The following KAZN variants were observed in gnomAD, a reference collection of about 807,000 sequenced individuals.
KAZN encodes the protein kazrin.
KAZN carries 40 observed loss-of-function variants against 87.4 expected under a neutral mutation model. That is an observed-to-expected ratio of 0.46 (90% CI 0.36 to 0.60). KAZN has a LOEUF of 0.60. Ranked by LOEUF, KAZN falls within the 20% of genes least tolerant of loss-of-function variation. KAZN has a pLI of 0.00. For synonymous variants in KAZN, 466 were observed against 458.3 expected (o/e 1.02, Z -0.22); for missense variants, 898 against 1,073.9 (o/e 0.84, Z 2.29).
chr1:15,076,343 G>A (rs1392862483), intron 8 of KAZN, among the ~76,000 whole-genome samples: 1 of 152,178 alleles, frequency 6.6e-6, no homozygotes, highest in Admixed American at 6.5e-5. Context: ...AGAATTGATC[G>A]GCCTCCTACA....
intron 1 of KAZN, among the ~76,000 whole-genome samples, chr1:14,756,590 G>T (rs1216297145): frequency 6.6e-6 from 1 of 152,182 alleles, no homozygotes; most frequent in Admixed American, 6.5e-5. Context: ...TCAGTAGTGG[G>T]TGCACCGTGG....
rs547862104 is a variant in KAZN, at chr1:14,941,215, G to A, written c.227-19469G>A. On this transcript the variant is annotated intron_variant, in intron 1 of 14. Coordinates refer to ENST00000376030, the MANE Select transcript of KAZN (RefSeq NM_201628.3). The stretch of plus-strand genomic sequence containing the variant: ...ATTACAGGCGTGAGCCACCACGCCC[G>A]TCTTCATTCACCTTTTCTGTAGCCT... 1.2e-4 allele frequency among the ~76,000 whole-genome samples: 18 copies of A among 152,238 alleles called. No individual in the cohort carries two copies. In the South Asian group the frequency reaches 1.9e-3, roughly 16 times the overall value.
chr1:14,157,504 T>C (rs1645618917), intron 1 of KAZN, among the ~76,000 whole-genome samples: 1 of 152,216 alleles, frequency 6.6e-6, no homozygotes, highest in Admixed American at 6.5e-5. Context: ...GATATACTAT[T>C]CTAGGGTAAA....
chr1:14,777,086 T>G (rs1474172916), intron 1 of KAZN, among the ~76,000 whole-genome samples: 2 of 152,162 alleles, frequency 1.3e-5, no homozygotes, highest in African/African-American at 4.8e-5. Flanking sequence ...CTGCAAGTGC[T>G]GCCTCCCGGG....
At chr1:14,406,932 A>C (rs568542277) in intron 2 of KAZN, among the ~76,000 whole-genome samples, 4 of 152,330 alleles carry the variant, frequency 2.6e-5, no homozygotes, top group Admixed American at 6.5e-5. Context: ...GCTGCTGTAC[A>C]TAAAGTGCAA....
intron 2 of KAZN, among the ~76,000 whole-genome samples, chr1:14,575,134 C>A (rs1277358820): frequency 1.3e-5 from 2 of 151,834 alleles, no homozygotes; most frequent in African/African-American, 4.9e-5. Context: ...AGCAGAAAGA[C>A]CTGATTAAAA....
chr1:15,060,106 C>A, intron 5 of KAZN, 66 bp from the exon 6 acceptor site: 1 of 1,594,204 alleles, frequency 6.3e-7, no homozygotes, highest in Admixed American at 1.7e-5. Flanking sequence ...GTGGAATAAC[C>A]GCCAAGGCAG....
At chr1:15,063,431 G>T (rs887811449) in intron 6 of KAZN, 141 bp from the exon 7 acceptor site, 11 of 711,056 alleles carry the variant, frequency 1.5e-5, no homozygotes, top group Non-Finnish European at 2.3e-5. Flanking sequence ...GAGATGGGGG[G>T]TGGGCTCCCC....
At chr1:13,952,334 GATAATAATAATAATA>G (rs35005409) in intron 1 of KAZN, among the ~76,000 whole-genome samples, 65,552 of 142,868 alleles carry the variant, frequency 0.46, 15,389 homozygotes, top group Admixed American at 0.55. Context: ...ATAAAATGGA[GATAATAATAATAATA>G]ATAATAATAA....
At position 14,771,466 on chromosome 1, in the gene KAZN, T is replaced by C. The variant is rs184137068; in HGVS notation, c.226+172243T>C. Among the ~76,000 whole-genome samples, 409 of 152,274 alleles carry C rather than the reference T, an allele frequency of 2.7e-3. 1 individual carries two copies. Among genetic ancestry groups the C allele is most frequent in the African/African-American group, 9.0e-3 (372 of 41,560 alleles). ...CAGACTTTCTCTGAGTCTTTGAATATTTCCCTTCTCATCTTGCACTTGGCA... is the reference window on the plus strand; with the variant it reads ...CAGACTTTCTCTGAGTCTTTGAATACTTCCCTTCTCATCTTGCACTTGGCA... On this transcript the variant is annotated intron_variant, in intron 1 of 14. Transcript: ENST00000376030.
chr1:14,176,676 T>C (rs186380749), intron 1 of KAZN, among the ~76,000 whole-genome samples: 2 of 152,342 alleles, frequency 1.3e-5, no homozygotes, highest in Non-Finnish European at 2.9e-5. Context: ...ATATCCGGTA[T>C]TCTCCCTACC....
chr1:15,000,446 C>A (rs751096668), intron 2 of KAZN, among the ~76,000 whole-genome samples: 1 of 151,824 alleles, frequency 6.6e-6, no homozygotes, highest in African/African-American at 2.4e-5. Context: ...GATTCTAATG[C>A]ACAACCCAGA....
chr1:14,805,696 G>T (rs934460232), intron 1 of KAZN, among the ~76,000 whole-genome samples: 1 of 151,774 alleles, frequency 6.6e-6, no homozygotes, highest in African/African-American at 2.4e-5. Flanking sequence ...GGGAGGTGGA[G>T]GTTGCAGTGA....
chr1:14,463,043 C>T (rs556981010), intron 2 of KAZN, among the ~76,000 whole-genome samples: 5 of 152,246 alleles, frequency 3.3e-5, no homozygotes, highest in South Asian at 2.1e-4. Flanking sequence ...TGGCAACTTA[C>T]GAGCTCTTGG....
In KAZN at chr1:13,996,605, C is replaced by G. The variant is rs566858832; in HGVS notation, c.91+102849C>G. ...GCAGACTGCAGCCAGAGTGCCTCTT[C>G]AGGCCTGACTCTGACTCATCTTTCC... is the stretch of plus-strand genomic sequence containing the variant. On this transcript the variant is annotated intron_variant, in intron 1 of 16. Transcript: ENST00000636203. Among the ~76,000 whole-genome samples, 201 of 152,344 alleles carry G rather than the reference C, an allele frequency of 1.3e-3. 1 individual carries two copies. The highest frequency in any genetic ancestry group is 4.7e-3 in the African/African-American group (195 of 41,584).
chr1:15,029,551 G>C (rs1671479704), intron 2 of KAZN, among the ~76,000 whole-genome samples: 1 of 152,188 alleles, frequency 6.6e-6, no homozygotes, highest in African/African-American at 2.4e-5. Context: ...TGATAACAAG[G>C]ATGGAGCAGC....
At chr1:14,680,447 CA>C (rs1640503308) in intron 1 of KAZN, among the ~76,000 whole-genome samples, 1 of 152,082 alleles carries the variant, frequency 6.6e-6, no homozygotes, top group Non-Finnish European at 1.5e-5. Context: ...TTTCACTCAG[CA>C]AAATATTTTT....
chr1:14,245,944 G>C (rs961933325), intron 2 of KAZN, among the ~76,000 whole-genome samples: 1 of 152,174 alleles, frequency 6.6e-6, no homozygotes, highest in Non-Finnish European at 1.5e-5. Context: ...GCCCATCAAT[G>C]ATAGACTGAA....
At chr1:14,393,862 A>AAAAAG (rs397936998) in intron 2 of KAZN, among the ~76,000 whole-genome samples, 3 of 149,580 alleles carry the variant, frequency 2.0e-5, no homozygotes, top group East Asian at 4.0e-4. Context: ...AAAAAAAAAA[A>AAAAAG]GTCATGAAAA....
Sources: gnomAD v4.1 joint callset for allele counts (sites outside exome capture counted in the v4.1 genomes callset) on GRCh38, gnomAD v4.1.1 for gene constraint, MANE v1.5 for transcripts, NCBI Gene and HGNC (gene_info 2026-07-23, HGNC 2026-07-21) for gene names.